TTC23: variants seen among roughly 807,000 people sequenced by gnomAD.
TTC23 encodes tetratricopeptide repeat domain 23.
TTC23 carries 58 observed loss-of-function variants against 55.1 expected under a neutral mutation model. That is an observed-to-expected ratio of 1.05 (90% CI 0.85 to 1.31). TTC23 has a LOEUF of 1.31. Among genes scored for constraint, TTC23 ranks in the 50% most tolerant of loss-of-function variants. TTC23 has a pLI of 0.00. For synonymous variants in TTC23, 203 were observed against 199.9 expected (o/e 1.02, Z -0.13); for missense variants, 516 against 534.4 (o/e 0.97, Z 0.34).
chr15:99,188,128 G>A (rs2074898869), intron 9 of TTC23, among the ~76,000 whole-genome samples: 2 of 151,920 alleles, frequency 1.3e-5, no homozygotes, highest in Non-Finnish European at 2.9e-5. Context: ...AAAAAAATGA[G>A]GTGAATCTGT....
intron 9 of TTC23, 40 bp downstream of exon 9, chr15:99,199,879 G>C (rs1035272923): frequency 1.9e-6 from 3 of 1,558,326 alleles, no homozygotes; most frequent in African/African-American, 1.4e-5. Context: ...AAAAGCATTG[G>C]GCCTAGAACA....
At chr15:99,247,040 T>C (rs1394691738) in intron 1 of TTC23, among the ~76,000 whole-genome samples, 1 of 152,144 alleles carries the variant, frequency 6.6e-6, no homozygotes, top group Admixed American at 6.6e-5. Flanking sequence ...AGAAGATATA[T>C]GGATAGTCAA....
chr15:99,186,726 C>T (rs953438490), intron 9 of TTC23, among the ~76,000 whole-genome samples: 1 of 151,974 alleles, frequency 6.6e-6, no homozygotes, highest in African/African-American at 2.4e-5. Context: ...TAATAAAATA[C>T]TTAGGAATAA....
chr15:99,246,569 C>T (rs576453464), intron 1 of TTC23, among the ~76,000 whole-genome samples: 2 of 150,514 alleles, frequency 1.3e-5, no homozygotes, highest in East Asian at 2.0e-4. Flanking sequence ...GAGCTGAGAT[C>T]GAGCCACTGT....
intron 12 of TTC23, chr15:99,139,659 T>C: frequency 6.9e-7 from 1 of 1,439,728 alleles, no homozygotes; most frequent in South Asian, 1.3e-5. Flanking sequence ...TTAAAAGTAG[T>C]ATTTTTAAAA....
intron 10 of TTC23, among the ~76,000 whole-genome samples, 173 bp downstream of exon 10, chr15:99,174,877 A>T (rs1250787621): frequency 6.6e-6 from 1 of 151,710 alleles, no homozygotes; most frequent in Non-Finnish European, 1.5e-5. Context: ...GAGAAACCAA[A>T]GGACTCAGAG....
chr15:99,241,557 G>C lies in TTC23; in HGVS notation c.-306C>G, dbSNP rs1391006932. On this transcript the variant is annotated splice_region_variant and 5_prime_UTR_variant, in exon 3 of 14. Coordinates refer to ENST00000394132, the MANE Select transcript of TTC23 (RefSeq NM_001288615.3). ...TCAGTTGATACTGTTCCTTCTGCCA[G>C]ACCTGCCCAGTAGAATGTTAAAGCA... The C allele has an allele frequency of 1.3e-5, 2 of 152,254 alleles. No individual in the cohort carries two copies. 9.4% of individuals were successfully genotyped at this position (152,254 alleles called of 1,614,324 possible).
At chr15:99,171,095 C>T (rs950904640) in intron 10 of TTC23, among the ~76,000 whole-genome samples, 1 of 152,258 alleles carries the variant, frequency 6.6e-6, no homozygotes, top group Non-Finnish European at 1.5e-5. Context: ...TGTTCCAGGA[C>T]TTCACGGTGC....
intron 10 of TTC23, among the ~76,000 whole-genome samples, chr15:99,169,244 G>A (rs1398940117): frequency 6.6e-6 from 1 of 152,184 alleles, no homozygotes; most frequent in African/African-American, 2.4e-5. Context: ...TGGGCCCTGA[G>A]AAGGGACAGA....
Position 99,198,312 on chromosome 15 carries a change from C to T in TTC23, c.759+1607G>A, listed in dbSNP as rs543457180. 1.1e-4 allele frequency among the ~76,000 whole-genome samples: 16 copies of T among 152,332 alleles called. No individual in the cohort carries two copies. The South Asian group carries it at 3.3e-3, about 32-fold the overall frequency. ...CTGGTAGAAATGGCACAAATATCTA[C>T]TCAGCAGTCCAGGCCAGAAACCTGG... On this transcript the variant is annotated intron_variant, in intron 9 of 13. Coordinates refer to ENST00000394132, the MANE Select transcript of TTC23 (RefSeq NM_001288615.3).
chr15:99,161,926 GAATA>G (rs2071430545), intron 10 of TTC23, 59 bp from the exon 11 acceptor site: 10 of 1,533,966 alleles, frequency 6.5e-6, no homozygotes, highest in Non-Finnish European at 8.7e-6. Flanking sequence ...AATGGAAACA[GAATA>G]AATATACTGT....
chr15:99,146,057 C>T (rs1181330951), intron 12 of TTC23, among the ~76,000 whole-genome samples: 2 of 152,342 alleles, frequency 1.3e-5, no homozygotes, highest in East Asian at 3.9e-4. Flanking sequence ...TCCTTATCGA[C>T]ATCCCTTGAC....
At chr15:99,139,174 GGAACTT>G in intron 13 of TTC23, 137 bp downstream of exon 13, 1 of 1,033,882 alleles carries the variant, frequency 9.7e-7, no homozygotes, top group Non-Finnish European at 1.5e-6. Context: ...GGGTTTCAAA[GGAACTT>G]GTCCTTTATG....
At chr15:99,184,323 C>T (rs564889096) in intron 9 of TTC23, among the ~76,000 whole-genome samples, 4 of 152,214 alleles carry the variant, frequency 2.6e-5, no homozygotes, top group African/African-American at 4.8e-5. Flanking sequence ...CAGCTTGCAC[C>T]GTGCTCTGGA....
intron 12 of TTC23, among the ~76,000 whole-genome samples, chr15:99,148,947 C>A (rs375068033): frequency 1.6e-3 from 243 of 152,246 alleles, no homozygotes; most frequent in African/African-American, 5.6e-3. Flanking sequence ...GTTTTTCAGG[C>A]CTGTGGGTCC....
chr15:99,150,426 C>G (rs906418993), intron 12 of TTC23, among the ~76,000 whole-genome samples: 5 of 152,130 alleles, frequency 3.3e-5, no homozygotes, highest in African/African-American at 1.2e-4. Flanking sequence ...TGCAAAGGGC[C>G]ATATGGTAAA....
At chr15:99,180,297 A>G (rs1264083029) in intron 9 of TTC23, among the ~76,000 whole-genome samples, 1 of 152,138 alleles carries the variant, frequency 6.6e-6, no homozygotes, top group Non-Finnish European at 1.5e-5. Context: ...ACTGGGTTAA[A>G]AACAAAAAAA....
chr15:99,195,044 C>T (rs2075584803), intron 9 of TTC23, among the ~76,000 whole-genome samples: 1 of 152,084 alleles, frequency 6.6e-6, no homozygotes, highest in African/African-American at 2.4e-5. Flanking sequence ...AGATATATCA[C>T]CAAAGGCACA....
chr15:99,209,672 C>T (rs867642761), intron 8 of TTC23, among the ~76,000 whole-genome samples: 1 of 152,136 alleles, frequency 6.6e-6, no homozygotes, highest in South Asian at 2.1e-4. Flanking sequence ...CTGTAAAGCA[C>T]TTAGCAAAAG....
Sources: allele counts gnomAD v4.1 joint callset (sites outside exome capture counted in the v4.1 genomes callset), GRCh38; gene constraint gnomAD v4.1.1; transcripts MANE v1.5; gene names NCBI Gene and HGNC (gene_info 2026-07-23, HGNC 2026-07-21).